The following CSPG4 variants were observed in gnomAD, a reference collection of about 807,000 sequenced individuals.
The protein encoded by CSPG4 is chondroitin sulfate proteoglycan 4.
A neutral mutation model predicts 139.3 loss-of-function variants in CSPG4; 74 were observed. The ratio of observed to expected loss-of-function variants is 0.53; its 90% CI spans 0.44 to 0.64. The LOEUF (loss-of-function observed/expected upper bound fraction) is 0.64, where lower values mean the gene tolerates loss of function less well. CSPG4 is among the 30% of genes least tolerant of loss of function. The pLI is 0.00. For synonymous variants in CSPG4, 1,234 were observed against 1,394.2 expected (o/e 0.89, Z 2.56); for missense variants, 2,565 against 3,148.3 (o/e 0.81, Z 4.43).
chr15:75,676,895 G>A lies in CSPG4; in HGVS notation c.5624C>T (p.Ala1875Val), dbSNP rs759243000. The change falls in exon 10 of 10, where the codon GCA (alanine) becomes GTA (valine). Residue 1875 changes from alanine to valine, a missense_variant. Physicochemically the swap from Ala to Val is moderately conservative, Grantham distance 64 (BLOSUM62 0). Around this residue, in one of 5 missense-constraint regions of CSPG4, gnomAD observed 2,316 missense variants for 2,818.2 expected, o/e 0.82. Transcript: ENST00000308508. ...CAGGCTGAGGAAGCCGTTGTGGGGT[G>A]CCCGCTGGACCTCGTACTCAATCTC... ...PGEIEYEVQRAPHNGFLSLVG... is the reference protein window; with the variant it reads ...PGEIEYEVQRVPHNGFLSLVG... The A allele has an allele frequency of 2.5e-6, 4 of 1,587,550 alleles. No homozygotes were observed. The highest frequency in any genetic ancestry group is 1.8e-5 in the Admixed American group (1 of 57,142).
intron 3 of CSPG4, among the ~76,000 whole-genome samples, chr15:75,686,969 C>T (rs570396320): frequency 1.3e-5 from 2 of 151,992 alleles, no homozygotes; most frequent in Non-Finnish European, 2.9e-5. Flanking sequence ...TGGAGATTCT[C>T]GGGCTCCACG....
intron 1 of CSPG4, among the ~76,000 whole-genome samples, chr15:75,697,320 C>A (rs985937010): frequency 6.6e-6 from 1 of 152,134 alleles, no homozygotes. Context: ...GCACATCACC[C>A]TTTGCTCTAG....
Position 75,676,379 on chromosome 15 carries a change from A to T in CSPG4, c.6140T>A (p.Leu2047Gln). The T allele has an allele frequency of 6.2e-7, 1 of 1,613,530 alleles. No individual in the cohort carries two copies. Among genetic ancestry groups the T allele is most frequent in the Non-Finnish European group, 8.5e-7 (1 of 1,180,038 alleles). Reference protein sequence around the residue: ...AVVNVTVRALLHVWAGGPWPQ... With the variant: ...AVVNVTVRALQHVWAGGPWPQ... The stretch of plus-strand genomic sequence containing the variant: ...CCATGGCCCACCTGCCCACACATGC[A>T]GCAGAGCCCTCACAGTGACGTTCAC... Residue 2047 changes from leucine (L) to glutamine (Q), a missense_variant, in exon 10 of 10, where the codon CTG becomes CAG. Coordinates refer to ENST00000308508, the MANE Select transcript of CSPG4 (RefSeq NM_001897.5).
chr15:75,687,370 A>G lies in CSPG4; in HGVS notation c.3695T>C (p.Leu1232Pro), dbSNP rs772931328. 6.2e-7 allele frequency: 1 copy of G among 1,612,862 alleles called. No individual in the cohort carries two copies. The highest frequency in any genetic ancestry group is 2.2e-5 in the East Asian group (1 of 44,880). ...TDATLQVTIA[L>P]EGPLAPLKLV... is the part of the protein sequence containing the mutation. ...CTTCAGTGGGGCCAGTGGGCCCTCT[A>G]GGGCAATGGTCACTTGTAGGGTGGC... The change falls in exon 3 of 10, where the codon CTA (leucine) becomes CCA (proline). Residue 1232 changes from leucine (L) to proline (P), a missense_variant. Leu to Pro is a moderately conservative substitution (Grantham distance 98). Coordinates refer to ENST00000308508, the MANE Select transcript of CSPG4 (RefSeq NM_001897.5). The surrounding 1 kb of genome is among the most constrained non-coding windows in gnomAD (Gnocchi z 5.4).
At chr15:75,699,514 T>C (rs1219030793) in intron 1 of CSPG4, among the ~76,000 whole-genome samples, 1 of 152,106 alleles carries the variant, frequency 6.6e-6, no homozygotes, top group African/African-American at 2.4e-5. Flanking sequence ...AGGGAACCCG[T>C]CTGGAAGATG....
Position 75,696,219 on chromosome 15 carries a change from G to T in CSPG4, c.89-2986C>A, listed in dbSNP as rs953275025. ...CCTGACTGTGGGGATTAGTCCTGGG[G>T]GTCTCTCCCTGATCTAGGAGTTTGC... On this transcript the variant is annotated intron_variant, in intron 1 of 9. Coordinates refer to ENST00000308508, the MANE Select transcript of CSPG4 (RefSeq NM_001897.5). This position sits in a 1 kb window ranked among gnomAD's most constrained non-coding sequence, Gnocchi z 4.2. 8.5e-5 allele frequency among the ~76,000 whole-genome samples: 13 copies of T among 152,108 alleles called. No individual in the cohort carries two copies. The highest frequency in any genetic ancestry group is 2.7e-4 in the African/African-American group (11 of 41,408).
Position 75,682,706 on chromosome 15 carries a change from C to CA in CSPG4, c.4683dup (p.Asp1562Ter), listed in dbSNP as rs1342708181. 7 of 1,612,872 alleles carry CA rather than the reference C, an allele frequency of 4.3e-6. No homozygotes were observed. Among genetic ancestry groups the CA allele is most frequent in the Non-Finnish European group, 5.1e-6 (6 of 1,180,032 alleles). ...TGTCCGGGGGAAGTGTGCTCGCCGT[C>CA]AGAGAGGCGGAAGCGGAAGCCTCCA... On this transcript the variant is annotated frameshift_variant, in exon 7 of 10. Coordinates refer to ENST00000308508, the MANE Select transcript of CSPG4 (RefSeq NM_001897.5). LOFTEE classifies it high-confidence loss of function.
chr15:75,677,975 G>A, intron 8 of CSPG4, 89 bp from the exon 9 acceptor site: 1 of 1,261,066 alleles, frequency 7.9e-7, no homozygotes, highest in Admixed American at 2.7e-5. Context: ...GCCCCACTCT[G>A]GGCTCTCCTG....
Position 75,682,763 on chromosome 15 carries a change from C to G in CSPG4, c.4649-22G>C, listed in dbSNP as rs756491921. ...GTTCCTGGGGACAGGGGCATTGGGT[C>G]CAGCTGGCCCGAGCCGGCTCCCCAT... On this transcript the variant is annotated intron_variant, in intron 6 of 9. Transcript: ENST00000308508. The G allele has an allele frequency of 3.7e-6, 6 of 1,610,288 alleles. No individual in the cohort carries two copies. The Admixed American group carries it at 6.7e-5, about 18-fold the overall frequency.
At chr15:75,700,152 G>T (rs1333391860) in intron 1 of CSPG4, among the ~76,000 whole-genome samples, 1 of 152,172 alleles carries the variant, frequency 6.6e-6, no homozygotes, top group African/African-American at 2.4e-5. Context: ...AGCTCCTGTG[G>T]GTGTGGCTCC....
At chr15:75,682,561 G>A (rs757639619) in intron 7 of CSPG4, 46 bp downstream of exon 7, 21 of 1,603,558 alleles carry the variant, frequency 1.3e-5, no homozygotes, top group Middle Eastern at 1.7e-4. Flanking sequence ...CCTCAGCTCC[G>A]CCCCAGCTCC....
chr15:75,702,601 C>G (rs148769179), intron 1 of CSPG4, among the ~76,000 whole-genome samples: 1 of 152,196 alleles, frequency 6.6e-6, no homozygotes, highest in Non-Finnish European at 1.5e-5. Flanking sequence ...CCCTCCCCAC[C>G]TTGTCTTACC....
rs781124742 is a variant in CSPG4, at chr15:75,675,741, G to A, written c.6778C>T (p.Leu2260=). 6.2e-7 allele frequency: 1 copy of A among 1,606,956 alleles called. No individual in the cohort carries two copies. The highest frequency in any genetic ancestry group is 1.7e-5 in the Admixed American group (1 of 59,692). ...AGGCCGTTGCGGGGCTTGGCAGTCA[G>A]GACCTGGACGTCATGCTTGCCCGTC... ...NKTGKHDVQV[L]TAKPRNGLAG... Residue 2260 remains leucine (L), a synonymous_variant, in exon 10 of 10, where the codon CTG becomes TTG. Coordinates refer to ENST00000308508, the MANE Select transcript of CSPG4 (RefSeq NM_001897.5).
Position 75,676,295 on chromosome 15 carries a change from T to C in CSPG4, c.6224A>G (p.Asn2075Ser). The C allele has an allele frequency of 6.2e-7, 1 of 1,600,458 alleles. No homozygotes were observed. Among genetic ancestry groups the C allele is most frequent in the South Asian group, 1.1e-5 (1 of 90,346 alleles). Reference sequence around the variant, plus strand: ...GAAGCGCGGCACACTGCCTGTGCGGTTGGCCAGCTCGCCAGCATCTAGGAC... The same window carrying C: ...GAAGCGCGGCACACTGCCTGTGCGGCTGGCCAGCTCGCCAGCATCTAGGAC... Reference protein sequence around the residue: ...PTVLDAGELANRTGSVPRFRL... With the variant: ...PTVLDAGELASRTGSVPRFRL... Residue 2075 changes from asparagine to serine, a missense_variant, in exon 10 of 10, where the codon AAC becomes AGC. Asn to Ser is a conservative substitution (Grantham distance 46). This residue lies in a region of CSPG4 where 2,316 missense variants were observed against 2,818.2 expected (regional missense o/e 0.82). Transcript: ENST00000308508.
At chr15:75,679,035 T>C in intron 8 of CSPG4, 1 of 332,724 alleles carries the variant, frequency 3.0e-6, no homozygotes, top group Middle Eastern at 1.1e-3. Flanking sequence ...GGCTCTTTTC[T>C]GTCTACAGGC....
intron 1 of CSPG4, among the ~76,000 whole-genome samples, chr15:75,699,873 G>A (rs1476543570): frequency 6.6e-6 from 1 of 152,180 alleles, no homozygotes. Context: ...AGATGGGTGG[G>A]TTTCCAGGCT....
At chr15:75,702,204 T>C (rs1894312692) in intron 1 of CSPG4, among the ~76,000 whole-genome samples, 1 of 152,166 alleles carries the variant, frequency 6.6e-6, no homozygotes, top group Non-Finnish European at 1.5e-5. Context: ...CTGCAGGGTC[T>C]CTTGCTCTCT....
At chr15:75,705,773 GC>G (rs1259002150) in intron 1 of CSPG4, among the ~76,000 whole-genome samples, 1 of 152,194 alleles carries the variant, frequency 6.6e-6, no homozygotes, top group East Asian at 1.9e-4. Context: ...CCTCTCAGCT[GC>G]TCGCAGACTC....
chr15:75,675,054 C>T lies in CSPG4; in HGVS notation c.*496G>A, dbSNP rs1019768334. The T allele has an allele frequency of 4.5e-5, 17 of 381,338 alleles. No homozygotes were observed. Among genetic ancestry groups the T allele is most frequent in the African/African-American group, 3.3e-4 (16 of 48,378 alleles). 23.6% of individuals were successfully genotyped at this position (381,338 alleles called of 1,614,324 possible). A position where few individuals can be genotyped will look rare whatever the true frequency, so the allele number is the denominator to read the frequency against. ...AGGGGATACCATCTCCCTAAAAAAC[C>T]AGGGGAGGAAGTTTTTTTCTCAACT... On this transcript the variant is annotated 3_prime_UTR_variant, in exon 10 of 10. Coordinates refer to ENST00000308508, the MANE Select transcript of CSPG4 (RefSeq NM_001897.5).
Sources: gnomAD v4.1 joint callset for allele counts (sites outside exome capture counted in the v4.1 genomes callset) on GRCh38, gnomAD v4.1.1 for gene constraint, gnomAD v4.1.1 regional missense constraint, Gnocchi (gnomAD v3.1) non-coding constraint, MANE v1.5 for transcripts, NCBI Gene and HGNC (gene_info 2026-07-23, HGNC 2026-07-21) for gene names.